DLGAP2: variants seen among roughly 807,000 people sequenced by gnomAD.
DLGAP2 encodes DLG associated protein 2.
In DLGAP2, 26 loss-of-function variants were observed where a neutral mutation model predicts 100.3. The ratio of observed to expected loss-of-function variants is 0.26; its 90% CI spans 0.19 to 0.36. The LOEUF (loss-of-function observed/expected upper bound fraction) is 0.36. DLGAP2 is among the 10% of genes least tolerant of loss of function. DLGAP2 has a pLI of 1.00. For missense variants in DLGAP2, 1,858 were observed against 1,453.2 expected (o/e 1.28, Z -4.53); for synonymous variants, 886 against 630.1 (o/e 1.41, Z -6.08).
chr8:1,084,376 A>AT (rs1163304387), intron 2 of DLGAP2, among the ~76,000 whole-genome samples: 6 of 152,298 alleles, frequency 3.9e-5, no homozygotes, highest in Non-Finnish European at 7.4e-5. Context: ...CATATTTAAC[A>AT]TTTTTTGTGA....
intron 4 of DLGAP2, among the ~76,000 whole-genome samples, chr8:1,546,628 G>C (rs972618929): frequency 5.3e-5 from 8 of 152,164 alleles, no homozygotes; most frequent in African/African-American, 1.9e-4. Context: ...TGGAGGGTTG[G>C]GGTTGGACAC....
At chr8:856,507 C>T (rs1180299037) in intron 1 of DLGAP2, among the ~76,000 whole-genome samples, 2 of 152,068 alleles carry the variant, frequency 1.3e-5, no homozygotes, top group Non-Finnish European at 2.9e-5. Flanking sequence ...TCTTCTGAAA[C>T]TAATAAACAG....
intron 3 of DLGAP2, among the ~76,000 whole-genome samples, chr8:1,472,501 C>T (rs1441976102): frequency 6.6e-6 from 1 of 152,074 alleles, no homozygotes; most frequent in East Asian, 1.9e-4. Flanking sequence ...TAAACAAGGA[C>T]AAGGGTAGAA....
intron 2 of DLGAP2, among the ~76,000 whole-genome samples, chr8:1,077,879 G>A (rs543063542): frequency 6.4e-4 from 98 of 152,224 alleles, no homozygotes; most frequent in Admixed American, 9.8e-4. Context: ...CTCAGCACAC[G>A]CCCGTGTGCG....
At chr8:808,156 C>T (rs563945619) in intron 1 of DLGAP2, among the ~76,000 whole-genome samples, 3 of 152,304 alleles carry the variant, frequency 2.0e-5, no homozygotes, top group Non-Finnish European at 4.4e-5. Context: ...CTTCGGCTTT[C>T]TGTGTCATGG....
chr8:1,113,031 T>A (rs1277365880), intron 2 of DLGAP2, among the ~76,000 whole-genome samples: 1 of 152,212 alleles, frequency 6.6e-6, no homozygotes, highest in East Asian at 1.9e-4. Flanking sequence ...TAACCTTATT[T>A]TTGGGCTGTC....
intron 1 of DLGAP2, among the ~76,000 whole-genome samples, chr8:821,016 C>G (rs1452750559): frequency 6.6e-6 from 1 of 152,174 alleles, no homozygotes; most frequent in Non-Finnish European, 1.5e-5. Flanking sequence ...GACTGACAGT[C>G]ACATAAAATG....
chr8:1,437,800 T>A (rs1261331284), intron 3 of DLGAP2, among the ~76,000 whole-genome samples: 1 of 113,482 alleles, frequency 8.8e-6, no homozygotes, highest in East Asian at 2.6e-4. Context: ...AAACCCCGTC[T>A]CTACTAAAAA....
chr8:1,175,919 C>T (rs1004721832), intron 2 of DLGAP2, among the ~76,000 whole-genome samples: 50 of 152,334 alleles, frequency 3.3e-4, no homozygotes, highest in African/African-American at 9.9e-4. Context: ...TCCTCCCTCT[C>T]GGCTTTGCCA....
At chr8:1,550,262 C>T (rs1469058465) in intron 5 of DLGAP2, among the ~76,000 whole-genome samples, 3 of 152,110 alleles carry the variant, frequency 2.0e-5, no homozygotes, top group Non-Finnish European at 4.4e-5. Flanking sequence ...CATCATTTGC[C>T]GGGAGACTCG....
chr8:774,272 C>T (rs935010537), intron 1 of DLGAP2, among the ~76,000 whole-genome samples: 101 of 152,250 alleles, frequency 6.6e-4, no homozygotes, highest in African/African-American at 2.2e-3. Context: ...GAGTAGGTTG[C>T]GAAAATTTTC....
chr8:1,663,444 G>T (rs753647507), intron 8 of DLGAP2, among the ~76,000 whole-genome samples: 1 of 152,062 alleles, frequency 6.6e-6, no homozygotes, highest in African/African-American at 2.4e-5. Flanking sequence ...TCTCCGCTTC[G>T]TGGGACGCCG....
At chr8:780,886 C>G (rs1821665369) in intron 1 of DLGAP2, among the ~76,000 whole-genome samples, 1 of 152,116 alleles carries the variant, frequency 6.6e-6, no homozygotes, top group Non-Finnish European at 1.5e-5. Context: ...CCCCCTGTAC[C>G]AGAGTAGCAA....
intron 2 of DLGAP2, among the ~76,000 whole-genome samples, chr8:1,097,091 T>G (rs564321878): frequency 8.6e-6 from 1 of 116,076 alleles, no homozygotes; most frequent in Non-Finnish European, 1.8e-5. Context: ...CACCTCCCTG[T>G]GCTCAGGAGA....
At chr8:1,198,549 T>G (rs1478703046) in intron 2 of DLGAP2, among the ~76,000 whole-genome samples, 2 of 152,096 alleles carry the variant, frequency 1.3e-5, no homozygotes, top group Non-Finnish European at 2.9e-5. Flanking sequence ...AGGGCACTCA[T>G]GACTCAGGAG....
chr8:1,040,173 G>A (rs1802288961), intron 2 of DLGAP2, among the ~76,000 whole-genome samples: 1 of 140,174 alleles, frequency 7.1e-6, no homozygotes, highest in Non-Finnish European at 1.5e-5. Context: ...TGTGTTGTCA[G>A]CTCGGTTTCC....
intron 4 of DLGAP2, among the ~76,000 whole-genome samples, chr8:1,513,818 T>C (rs764869374): frequency 3.3e-5 from 5 of 152,100 alleles, no homozygotes; most frequent in Non-Finnish European, 5.9e-5. Flanking sequence ...GTTCGTACAG[T>C]CCAAGGTCCA....
intron 3 of DLGAP2, among the ~76,000 whole-genome samples, chr8:1,347,765 A>G (rs1401234210): frequency 6.6e-6 from 1 of 151,514 alleles, no homozygotes; most frequent in East Asian, 1.9e-4. Flanking sequence ...ACACAGCTAC[A>G]TTGCACTCAT....
chr8:880,433 G>A (rs370146764), intron 1 of DLGAP2, among the ~76,000 whole-genome samples: 20 of 152,332 alleles, frequency 1.3e-4, no homozygotes, highest in Non-Finnish European at 2.2e-4. Flanking sequence ...CGGGGTGACC[G>A]TCCAGTGTGT....
Sources: gnomAD v4.1 joint callset for allele counts (sites outside exome capture counted in the v4.1 genomes callset) on GRCh38, gnomAD v4.1.1 for gene constraint, MANE v1.5 for transcripts, NCBI Gene and HGNC (gene_info 2026-07-23, HGNC 2026-07-21) for gene names.